The following DIP2C variants were observed in gnomAD, a reference collection of about 807,000 sequenced individuals.
The protein encoded by DIP2C is disco-interacting protein 2 homolog C.
Under a neutral mutation model 192.4 loss-of-function variants are expected in DIP2C, and 33 were observed. The ratio of observed to expected loss-of-function variants is 0.17; its 90% CI spans 0.13 to 0.23. The LOEUF is 0.23. Ranked by LOEUF, DIP2C falls within the 10% of genes least tolerant of loss-of-function variation. The probability of loss-of-function intolerance (pLI) is 1.00; values close to 1 mark genes in which losing one functional copy is unlikely to be tolerated. For missense variants in DIP2C, 1,537 were observed against 2,110.1 expected, an observed-to-expected ratio of 0.73 and a Z score of 5.32; for synonymous variants, 979 against 864.1, an observed-to-expected ratio of 1.13 and a Z score of -2.33.
chr10:447,422 C>T (rs12769029), intron 3 of DIP2C, among the ~76,000 whole-genome samples: 4 of 141,218 alleles, frequency 2.8e-5, no homozygotes, highest in South Asian at 2.3e-4. Flanking sequence ...CACTCATCCC[C>T]ATCTATACTC....
chr10:520,013 G>A (rs1053579087), intron 1 of DIP2C, among the ~76,000 whole-genome samples: 7 of 152,228 alleles, frequency 4.6e-5, no homozygotes, highest in African/African-American at 1.7e-4. Flanking sequence ...TAACAGCGAT[G>A]GTTCTCCCCA....
chr10:625,484 T>TGCCTTTCTGCAGGCTCCCCTACGGGGA (rs1564283196), intron 1 of DIP2C, among the ~76,000 whole-genome samples: 1 of 152,174 alleles, frequency 6.6e-6, no homozygotes, highest in Non-Finnish European at 1.5e-5. Flanking sequence ...GGCCGGGCTC[T>TGCCTTTCTGCAGGCTCCCCTACGGGGA]GCCTTTCTGC....
rs1259386713 is a variant in DIP2C at position 674,803 on chromosome 10, G to T, written c.85+14691C>A. 3.5e-3 allele frequency among the ~76,000 whole-genome samples: 405 copies of T among 115,542 alleles called. 1 individual carries two copies. Among genetic ancestry groups the T allele is most frequent in the East Asian group, 6.7e-3 (25 of 3,714 alleles). The allele number at this position is 115,542 out of a possible 152,430, so 75.8% of individuals were successfully genotyped here. A position where few individuals can be genotyped will look rare whatever the true frequency, so the allele number is the denominator to read the frequency against. On this transcript the variant is annotated intron_variant, in intron 1 of 36. Transcript: ENST00000280886. ...ATATATATATATAGAGAGAGAGAGAGAGAGAGAGAGAGAGAGAGAGAGAGA... is the reference window on the plus strand; with the variant it reads ...ATATATATATATAGAGAGAGAGAGATAGAGAGAGAGAGAGAGAGAGAGAGA...
chr10:561,705 C>A (rs1202193573), intron 1 of DIP2C, among the ~76,000 whole-genome samples: 1 of 152,216 alleles, frequency 6.6e-6, no homozygotes, highest in African/African-American at 2.4e-5. Context: ...TCCAGCAACA[C>A]AACTCCTGGT....
chr10:308,944 C>T (rs565685399), intron 32 of DIP2C, among the ~76,000 whole-genome samples: 2 of 152,226 alleles, frequency 1.3e-5, no homozygotes, highest in Non-Finnish European at 2.9e-5. Context: ...GCCAGCTGAG[C>T]CACTGCCCAA....
At chr10:654,998 G>T (rs1027720390) in intron 1 of DIP2C, among the ~76,000 whole-genome samples, 1 of 152,138 alleles carries the variant, frequency 6.6e-6, no homozygotes, top group Non-Finnish European at 1.5e-5. Context: ...GACAGTAAGC[G>T]AAGGGTCCCA....
At chr10:549,116 G>A (rs1848459447) in intron 1 of DIP2C, among the ~76,000 whole-genome samples, 1 of 152,092 alleles carries the variant, frequency 6.6e-6, no homozygotes, top group African/African-American at 2.4e-5. Flanking sequence ...AGCTCATCAA[G>A]GAATCCCTAC....
intron 1 of DIP2C, among the ~76,000 whole-genome samples, chr10:555,800 C>A (rs1208205684): frequency 2.0e-5 from 3 of 152,104 alleles, no homozygotes; most frequent in Admixed American, 2.0e-4. Flanking sequence ...ACGCAGGATG[C>A]CACTCTCAAG....
At chr10:402,574 A>G (rs1418603860) in intron 9 of DIP2C, among the ~76,000 whole-genome samples, 1 of 15,052 alleles carries the variant, frequency 6.6e-5, no homozygotes, top group African/African-American at 7.1e-5. Flanking sequence ...TGGTAGCATT[A>G]GCATTACTCT....
intron 3 of DIP2C, among the ~76,000 whole-genome samples, chr10:470,888 A>T (rs1970575603): frequency 6.6e-6 from 1 of 152,294 alleles, no homozygotes; most frequent in Non-Finnish European, 1.5e-5. Flanking sequence ...AAGCCATGTG[A>T]ACTCAGCCTG....
chr10:392,782 C>G (rs538776394), intron 10 of DIP2C, among the ~76,000 whole-genome samples: 2 of 151,948 alleles, frequency 1.3e-5, no homozygotes, highest in Non-Finnish European at 2.9e-5. Context: ...CTCTCACACG[C>G]GCCCATGCAC....
rs1831034214 is a variant in DIP2C at position 679,463 on chromosome 10, C to CCTCCCCACACCCATG, written c.85+10030_85+10031insCATGGGTGTGGGGAG. Among the ~76,000 whole-genome samples, 2 of 100,410 alleles carry CCTCCCCACACCCATG rather than the reference C, an allele frequency of 2.0e-5. 1 individual carries two copies. Among genetic ancestry groups the CCTCCCCACACCCATG allele is most frequent in the Non-Finnish European group, 3.8e-5 (2 of 52,096 alleles). 65.9% of individuals were successfully genotyped at this position (100,410 alleles called of 152,430 possible). On this transcript the variant is annotated intron_variant, in intron 1 of 36. Coordinates refer to ENST00000280886, the MANE Select transcript of DIP2C (RefSeq NM_014974.3). ...CCACACCCAGGCTCCCTGCACCCGT[C>CCTCCCCACACCCATG]CTCCCCACACCCCTGCTCCCCACAC...
At position 638,647 on chromosome 10, in the gene DIP2C, G is replaced by A. The variant is rs2131922100; in HGVS notation, c.85+50847C>T. Among the ~76,000 whole-genome samples the A allele has an allele frequency of 1.3e-5, 2 of 152,294 alleles. 1 individual carries two copies. The highest frequency in any genetic ancestry group is 1.3e-4 in the Admixed American group (2 of 15,304). On this transcript the variant is annotated intron_variant, in intron 1 of 36. Coordinates refer to ENST00000280886, the MANE Select transcript of DIP2C (RefSeq NM_014974.3). ...GAGTTTCAAGAAAAGGGCTGACGAGGCCAAGAAGTTCCTTCCCCTCTCCCC... is the reference window on the plus strand; with the variant it reads ...GAGTTTCAAGAAAAGGGCTGACGAGACCAAGAAGTTCCTTCCCCTCTCCCC...
At chr10:664,681 A>T (rs1362767304) in intron 1 of DIP2C, 1 of 152,188 alleles carries the variant, frequency 6.6e-6, no homozygotes, top group Non-Finnish European at 1.5e-5. Context: ...TCAATTTTTT[A>T]TACTGTTACT....
chr10:424,306 G>A (rs1462104166), intron 4 of DIP2C, among the ~76,000 whole-genome samples: 1 of 139,466 alleles, frequency 7.2e-6, no homozygotes, highest in African/African-American at 2.6e-5. Flanking sequence ...AAGTTTACTT[G>A]TTAGAAAAGC....
At chr10:442,055 C>T (rs1450435259) in intron 3 of DIP2C, among the ~76,000 whole-genome samples, 1 of 150,950 alleles carries the variant, frequency 6.6e-6, no homozygotes, top group Non-Finnish European at 1.5e-5. Flanking sequence ...AGACAAGAAT[C>T]TTCGAGACAC....
At chr10:439,143 GC>G (rs1181017906) in intron 4 of DIP2C, among the ~76,000 whole-genome samples, 3 of 152,178 alleles carry the variant, frequency 2.0e-5, no homozygotes. Flanking sequence ...ACCGTGCCTA[GC>G]CCCTAATTAC....
chr10:653,306 G>C (rs1286058799), intron 1 of DIP2C, among the ~76,000 whole-genome samples: 1 of 152,012 alleles, frequency 6.6e-6, no homozygotes, highest in Non-Finnish European at 1.5e-5. Context: ...AAATTAGCTG[G>C]GCATGGTGGC....
intron 1 of DIP2C, among the ~76,000 whole-genome samples, chr10:532,522 GGTGTGTGAGAGAGTAT>G (rs1411486578): frequency 4.0e-5 from 6 of 149,590 alleles, no homozygotes; most frequent in Non-Finnish European, 7.5e-5. Context: ...ATTTTGTGTG[GGTGTGTGAGAGAGTAT>G]GGGTGTGAGA....
Sources: gnomAD v4.1 joint callset for allele counts (sites outside exome capture counted in the v4.1 genomes callset) on GRCh38, gnomAD v4.1.1 for gene constraint, MANE v1.5 for transcripts, NCBI Gene and HGNC (gene_info 2026-07-23, HGNC 2026-07-21) for gene names.